OSBPL3: variants seen among roughly 807,000 people sequenced by gnomAD.
OSBPL3 encodes oxysterol binding protein like 3, also known as oxysterol-binding protein-related protein 3.
Under a neutral mutation model 120.1 loss-of-function variants are expected in OSBPL3, and 65 were observed. That is an observed-to-expected ratio of 0.54 (90% confidence interval 0.44 to 0.67). The LOEUF (loss-of-function observed/expected upper bound fraction) is 0.67, where lower values mean the gene tolerates loss of function less well. Ranked by LOEUF, OSBPL3 falls within the 30% of genes least tolerant of loss-of-function variation. OSBPL3 has a pLI of 0.00. For synonymous variants in OSBPL3, 416 were observed against 402.6 expected (o/e 1.03, Z -0.40); for missense variants, 1,004 against 1,082.1 (o/e 0.93, Z 1.01).
chr7:24,961,928 C>T (rs949222007), intron 1 of OSBPL3, among the ~76,000 whole-genome samples: 3 of 152,162 alleles, frequency 2.0e-5, no homozygotes, highest in Non-Finnish European at 4.4e-5. Flanking sequence ...TCAGTGTTCA[C>T]AACATCATAA....
rs13243846 is a variant in OSBPL3 at position 24,811,395 on chromosome 7, A to G, written c.2173-1444T>C. ...TTGTTTTCTTGCTATTGAACTCTCT[A>G]TTCATTTTTTATATTAACCTCTTAT... On this transcript the variant is annotated intron_variant, in intron 19 of 22. Transcript: ENST00000313367. 4.2e-3 allele frequency among the ~76,000 whole-genome samples: 646 copies of G among 152,188 alleles called. 4 individuals carry two copies. The highest frequency in any genetic ancestry group is 6.9e-3 in the Non-Finnish European group (467 of 67,998).
At chr7:24,908,347 G>A (rs913649351) in intron 1 of OSBPL3, among the ~76,000 whole-genome samples, 4 of 152,116 alleles carry the variant, frequency 2.6e-5, no homozygotes, top group Admixed American at 2.0e-4. Context: ...ACATCCAGTG[G>A]GTGATTATCT....
rs1267313644 is a variant in OSBPL3 at position 24,817,812 on chromosome 7, A to C, written c.1949-1124T>G. On this transcript the variant is annotated intron_variant, in intron 17 of 22. Transcript: ENST00000313367. This position sits in a 1 kb window ranked among gnomAD's most constrained non-coding sequence, Gnocchi z 4.0. The stretch of plus-strand genomic sequence containing the variant: ...AAGAAGAAGAAATAGGCACTAGGTC[A>C]ACTAGGTGACAAGTTAGATACAGAC... 1.3e-5 allele frequency among the ~76,000 whole-genome samples: 2 copies of C among 152,238 alleles called. No individual in the cohort carries two copies. Among genetic ancestry groups the C allele is most frequent in the Admixed American group, 6.5e-5 (1 of 15,286 alleles).
In OSBPL3 at chr7:24,854,177, T is replaced by C. The variant is rs779177263; in HGVS notation, c.1028-1543A>G. Reference sequence around the variant, plus strand: ...TAAATTACTGATCGTGGCTATCACATTTGAATATTATCTTTCCAATCTCCT... The same window carrying C: ...TAAATTACTGATCGTGGCTATCACACTTGAATATTATCTTTCCAATCTCCT... On this transcript the variant is annotated intron_variant, in intron 10 of 22. Coordinates refer to ENST00000313367, the MANE Select transcript of OSBPL3 (RefSeq NM_015550.4). The surrounding 1 kb of genome is among the most constrained non-coding windows in gnomAD (Gnocchi z 4.1). Among the ~76,000 whole-genome samples, 1 of 151,186 alleles carries C rather than the reference T, an allele frequency of 6.6e-6. No homozygotes were observed. Among genetic ancestry groups the C allele is most frequent in the Non-Finnish European group, 1.5e-5 (1 of 67,910 alleles).
chr7:24,801,201 G>A (rs1292605247), intron 22 of OSBPL3, among the ~76,000 whole-genome samples: 10 of 140,926 alleles, frequency 7.1e-5, no homozygotes, highest in South Asian at 2.2e-4. Context: ...CTAGGATCAC[G>A]GCACTGCACT....
chr7:24,857,318 T>C (rs994401612), intron 10 of OSBPL3, among the ~76,000 whole-genome samples: 3 of 152,216 alleles, frequency 2.0e-5, no homozygotes, highest in Non-Finnish European at 2.9e-5. Context: ...AACACAGATA[T>C]CCGCTTCCAT....
At chr7:24,928,652 A>G (rs113285084) in intron 1 of OSBPL3, among the ~76,000 whole-genome samples, 19 of 152,240 alleles carry the variant, frequency 1.2e-4, no homozygotes, top group African/African-American at 4.3e-4. Flanking sequence ...TCCCTCACCC[A>G]AAGAGCTCCC....
intron 1 of OSBPL3, among the ~76,000 whole-genome samples, chr7:24,901,021 G>GAAAAA (rs11395096): frequency 7.8e-6 from 1 of 128,540 alleles, no homozygotes; most frequent in African/African-American, 3.0e-5. Context: ...ACCTTGTCTC[G>GAAAAA]AAAAAAAAAA....
At chr7:24,980,438 TGCG>T (rs1383462939), upstream of OSBPL3, among the ~76,000 whole-genome samples, 1 of 151,824 alleles carries the variant, frequency 6.6e-6, no homozygotes, top group Non-Finnish European at 1.5e-5. Context: ...AGGCGAGTCC[TGCG>T]GCGAGGCACT....
rs886717653 is a variant in OSBPL3 at position 24,827,117 on chromosome 7, G to C, written c.1884+3651C>G. ...CCACCCAAAAATATTAATTCGGGGG[G>C]CTTGCCCAGTTTATTATACTAGTCA... On this transcript the variant is annotated intron_variant, in intron 16 of 22. Coordinates refer to ENST00000313367, the MANE Select transcript of OSBPL3 (RefSeq NM_015550.4). The surrounding 1 kb of genome is among the most constrained non-coding windows in gnomAD (Gnocchi z 5.1). 8.5e-5 allele frequency among the ~76,000 whole-genome samples: 13 copies of C among 152,288 alleles called. No individual in the cohort carries two copies. Among genetic ancestry groups the C allele is most frequent in the Admixed American group, 2.6e-4 (4 of 15,296 alleles).
chr7:24,829,986 C>T (rs192627865), intron 16 of OSBPL3, among the ~76,000 whole-genome samples: 1 of 152,272 alleles, frequency 6.6e-6, no homozygotes, highest in East Asian at 1.9e-4. Context: ...CACAAAACCA[C>T]GTGAGGTACA....
rs1453633468 is a variant in OSBPL3 at position 24,813,014 on chromosome 7, G to A, written c.2172+2045C>T. On this transcript the variant is annotated intron_variant, in intron 19 of 22. Coordinates refer to ENST00000313367, the MANE Select transcript of OSBPL3 (RefSeq NM_015550.4). The surrounding 1 kb of genome is among the most constrained non-coding windows in gnomAD (Gnocchi z 4.5). ...CTGCCTCAGCCTCTCCAGCAGCTGG[G>A]ACTACAGGTGCATGCCACCGTGTCT... 1.3e-5 allele frequency among the ~76,000 whole-genome samples: 2 copies of A among 152,152 alleles called. No individual in the cohort carries two copies. The highest frequency in any genetic ancestry group is 4.8e-5 in the African/African-American group (2 of 41,420).
chr7:24,865,459 T>A lies in OSBPL3; in HGVS notation c.556A>T (p.Ser186Cys). The change falls in exon 7 of 23, where the codon AGT becomes TGT. Residue 186 changes from serine to cysteine, a missense_variant. Ser to Cys is a moderately radical substitution (Grantham distance 112, BLOSUM62 -1). Around this residue, in one of 4 missense-constraint regions of OSBPL3, gnomAD observed 255 missense variants for 248.7 expected, o/e 1.03. Transcript: ENST00000313367. ...FDSISSRKRS[S>C]ISKQNLFQTG... ...TGAAATAAATTCTGCTTTGATATAC[T>A]GCTACGCTGTTCCACGGATGACAAA... 2 of 1,613,698 alleles carry A rather than the reference T, an allele frequency of 1.2e-6. No individual in the cohort carries two copies. The highest frequency in any genetic ancestry group is 1.7e-6 in the Non-Finnish European group (2 of 1,179,742).
chr7:24,860,958 G>A (rs1022052384), intron 10 of OSBPL3, among the ~76,000 whole-genome samples: 2 of 152,186 alleles, frequency 1.3e-5, no homozygotes, highest in African/African-American at 2.4e-5. Context: ...TGAGTGTTGG[G>A]TTGCATGGTA....
In OSBPL3 at chr7:24,967,558, G is replaced by T. The variant is rs714367; in HGVS notation, c.-150+12328C>A. On this transcript the variant is annotated intron_variant, in intron 1 of 22. Transcript: ENST00000313367. The surrounding 1 kb of genome is among the most constrained non-coding windows in gnomAD (Gnocchi z 5.6). ...GAGAATGATTGTGAGAATTAAATCA[G>T]GTGATGTTCTTTCAAAAAGTACAGA... 0.026 allele frequency among the ~76,000 whole-genome samples: 3,997 copies of T among 152,246 alleles called. 157 individuals are homozygous for T. Among genetic ancestry groups the T allele is most frequent in the African/African-American group, 0.085 (3,539 of 41,548 alleles).
At position 24,913,843 on chromosome 7, in the gene OSBPL3, T is replaced by C. The variant is rs1435222792; in HGVS notation, c.-149-21222A>G. Among the ~76,000 whole-genome samples, 1 of 152,198 alleles carries C rather than the reference T, an allele frequency of 6.6e-6. No homozygotes were observed. The highest frequency in any genetic ancestry group is 1.5e-5 in the Non-Finnish European group (1 of 68,042). On this transcript the variant is annotated intron_variant, in intron 1 of 22. Coordinates refer to ENST00000313367, the MANE Select transcript of OSBPL3 (RefSeq NM_015550.4). This position sits in a 1 kb window ranked among gnomAD's most constrained non-coding sequence, Gnocchi z 5.3. Reference sequence around the variant, plus strand: ...GGACGAGGACAAGGACCAAGGACCGTATCCCATCAAAAACATACACCCAGA... The same window carrying C: ...GGACGAGGACAAGGACCAAGGACCGCATCCCATCAAAAACATACACCCAGA...
chr7:24,915,721 C>T (rs1262708094), intron 1 of OSBPL3, among the ~76,000 whole-genome samples: 1 of 152,060 alleles, frequency 6.6e-6, no homozygotes, highest in Non-Finnish European at 1.5e-5. Context: ...TTACAGGCAG[C>T]TGCCATCATG....
rs1014908889 is a variant in OSBPL3, at chr7:24,798,458, T to G, written c.*1725A>C. On this transcript the variant is annotated 3_prime_UTR_variant, in exon 23 of 23. Transcript: ENST00000313367. The surrounding 1 kb of genome is among the most constrained non-coding windows in gnomAD (Gnocchi z 4.6). ...TGCTTGAGATGGAAAGAACAAAGCA[T>G]ACACCAAAGAATCTGACTGTGTCAT... is the stretch of plus-strand genomic sequence containing the variant. 5.3e-5 allele frequency: 8 copies of G among 152,196 alleles called. No homozygotes were observed. The highest frequency in any genetic ancestry group is 1.2e-4 in the Non-Finnish European group (8 of 68,022). 9.4% of individuals were successfully genotyped at this position (152,196 alleles called of 1,614,324 possible).
Position 24,834,764 on chromosome 7 carries a change from CTA to C in OSBPL3, c.1496-30_1496-29del, listed in dbSNP as rs1477485614. The C allele has an allele frequency of 6.5e-7, 1 of 1,530,708 alleles. No individual in the cohort carries two copies. The highest frequency in any genetic ancestry group is 1.4e-5 in the African/African-American group (1 of 71,690). 94.8% of individuals were successfully genotyped at this position (1,530,708 alleles called of 1,614,324 possible). Reference sequence around the variant, plus strand: ...GAAAGGGAAAGAGGCCTGGTTGTCTCTATAAAGCTTTTCATTTTATTCTATTA... The same window carrying C: ...GAAAGGGAAAGAGGCCTGGTTGTCTCTAAAGCTTTTCATTTTATTCTATTA... On this transcript the variant is annotated intron_variant, in intron 14 of 22. Transcript: ENST00000313367. The surrounding 1 kb of genome is among the most constrained non-coding windows in gnomAD (Gnocchi z 5.2).
Sources: allele counts gnomAD v4.1 joint callset (sites outside exome capture counted in the v4.1 genomes callset), GRCh38; gene constraint gnomAD v4.1.1; regional missense constraint gnomAD v4.1.1; non-coding constraint Gnocchi (gnomAD v3.1); transcripts MANE v1.5; gene names NCBI Gene and HGNC (gene_info 2026-07-23, HGNC 2026-07-21).